The following IL17RB variants were observed in gnomAD, a reference collection of about 807,000 sequenced individuals.
IL17RB encodes interleukin 17 receptor B.
Under a neutral mutation model 43.9 loss-of-function variants are expected in IL17RB, and 36 were observed. The ratio of observed to expected loss-of-function variants is 0.82; its 90% CI spans 0.63 to 1.08. The LOEUF (loss-of-function observed/expected upper bound fraction) is 1.08. Among genes scored for constraint, IL17RB ranks in the 50% least tolerant of loss-of-function variants. IL17RB has a pLI of 0.00. For missense variants in IL17RB, 613 were observed against 613.6 expected (o/e 1.00, Z 0.01); for synonymous variants, 225 against 225.4 (o/e 1.00, Z 0.02).
intron 2 of IL17RB, 149 bp from the exon 3 acceptor site, chr3:53,849,506 T>TCTCC: frequency 1.7e-6 from 1 of 574,330 alleles, no homozygotes; most frequent in Non-Finnish European, 2.6e-6. Context: ...TGAGACCCCA[T>TCTCC]CTCTACAAAA....
intron 3 of IL17RB, among the ~76,000 whole-genome samples, chr3:53,851,261 T>A (rs1159749102): frequency 6.6e-6 from 1 of 151,622 alleles, no homozygotes; most frequent in Non-Finnish European, 1.5e-5. Context: ...GAGAGAGGAG[T>A]CACCTACAGT....
intron 3 of IL17RB, among the ~76,000 whole-genome samples, chr3:53,850,687 C>T (rs968741875): frequency 6.6e-6 from 1 of 152,104 alleles, no homozygotes; most frequent in Non-Finnish European, 1.5e-5. Flanking sequence ...TGCCTGTAAT[C>T]CCAGCTACTT....
chr3:53,857,066 C>G, intron 7 of IL17RB, 80 bp downstream of exon 7: 1 of 1,464,008 alleles, frequency 6.8e-7, no homozygotes, highest in East Asian at 2.3e-5. Context: ...CAGTGTTGTC[C>G]AAACGTGCTG....
intron 8 of IL17RB, 73 bp from the exon 9 acceptor site, chr3:53,858,646 T>C: frequency 6.4e-7 from 1 of 1,569,928 alleles, no homozygotes. Flanking sequence ...AAGTTTTGGC[T>C]GAAGTAGGAG....
At chr3:53,858,526 C>T (rs13315972) in intron 8 of IL17RB, 193 bp from the exon 9 acceptor site, 683,878 of 1,416,148 alleles carry the variant, frequency 0.48, 173,862 homozygotes, top group East Asian at 0.95. Context: ...GTCTTGGGCA[C>T]GTGGGTCTCG....
In IL17RB at chr3:53,852,019, G is replaced by C. The variant is rs1699167421; in HGVS notation, c.247G>C (p.Ala83Pro). Reference protein sequence around the residue: ...RADASIRLLKATKICVTGKSN... With the variant: ...RADASIRLLKPTKICVTGKSN... ...GGCAGCCAGCATCCGCTTGTTGAAG[G>C]CCACCAAGATTTGTGTGACGGGCAA... Residue 83 changes from alanine to proline, a missense_variant, in exon 4 of 11, where the codon GCC becomes CCC. By Grantham distance (27) the Ala-to-Pro change is conservative (BLOSUM62 -1). Coordinates refer to ENST00000288167, the MANE Select transcript of IL17RB (RefSeq NM_018725.4). The C allele has an allele frequency of 6.2e-7, 1 of 1,614,002 alleles. No individual in the cohort carries two copies. The highest frequency in any genetic ancestry group is 1.7e-5 in the Admixed American group (1 of 59,992).
chr3:53,857,492 C>G, intron 7 of IL17RB, 124 bp from the exon 8 acceptor site: 1 of 800,092 alleles, frequency 1.2e-6, no homozygotes, highest in Non-Finnish European at 2.2e-6. Context: ...GCCATGTTGC[C>G]CAGGCTGGTC....
At position 53,849,657 on chromosome 3, in the gene IL17RB, C is replaced by T; in HGVS notation, c.88C>T (p.Pro30Ser). 6.3e-7 allele frequency: 1 copy of T among 1,596,850 alleles called. No individual in the cohort carries two copies. Among genetic ancestry groups the T allele is most frequent in the Non-Finnish European group, 8.5e-7 (1 of 1,170,920 alleles). Residue 30 changes from proline (P) to serine (S), a missense_variant and splice_region_variant, in exon 3 of 11, where the codon CCA becomes TCA. Coordinates refer to ENST00000288167, the MANE Select transcript of IL17RB (RefSeq NM_018725.4). ...PTVQCGSETGPSPEWMLQHDL... is the reference protein window; with the variant it reads ...PTVQCGSETGSSPEWMLQHDL... Reference sequence around the variant, plus strand: ...ATGGAAGTCTTGCTTTTTCCCAGGGCCATCTCCAGAGTGGATGCTACAACA... The same window carrying T: ...ATGGAAGTCTTGCTTTTTCCCAGGGTCATCTCCAGAGTGGATGCTACAACA...
Position 53,865,182 on chromosome 3 carries a change from T to C in IL17RB, c.1383T>C (p.Ser461=). Residue 461 remains serine (S), a synonymous_variant, in exon 11 of 11, where the codon AGT becomes AGC. Coordinates refer to ENST00000288167, the MANE Select transcript of IL17RB (RefSeq NM_018725.4). ...IDTKDDYNAL[S]VCPKYHLMKD... is the part of the protein sequence containing the mutation. ...CAAAAGACGATTACAATGCTCTCAG[T>C]GTCTGCCCCAAGTACCACCTCATGA... 5 of 1,614,188 alleles carry C rather than the reference T, an allele frequency of 3.1e-6. No individual in the cohort carries two copies. Among genetic ancestry groups the C allele is most frequent in the South Asian group, 1.1e-5 (1 of 91,082 alleles).
At chr3:53,863,455 C>T (rs1699643399) in intron 10 of IL17RB, among the ~76,000 whole-genome samples, 2 of 152,188 alleles carry the variant, frequency 1.3e-5, no homozygotes, top group Non-Finnish European at 1.5e-5. Context: ...TCCTTTGAGT[C>T]ATTTGTGATG....
At chr3:53,864,371 C>T (rs1307253815) in intron 10 of IL17RB, among the ~76,000 whole-genome samples, 2 of 152,126 alleles carry the variant, frequency 1.3e-5, no homozygotes, top group Non-Finnish European at 2.9e-5. Context: ...CCCGTCTCTA[C>T]TAAAAGTACA....
chr3:53,853,024 C>A (rs200742999), intron 5 of IL17RB, 27 bp downstream of exon 5: 1 of 1,613,292 alleles, frequency 6.2e-7, no homozygotes, highest in East Asian at 2.2e-5. Context: ...GTTTATTATT[C>A]TTTGTCTTGC....
chr3:53,855,882 T>C (rs1255865533), intron 6 of IL17RB, among the ~76,000 whole-genome samples: 1 of 152,246 alleles, frequency 6.6e-6, no homozygotes, highest in Non-Finnish European at 1.5e-5. Context: ...TTGAATTTTG[T>C]AGTAATCCCC....
At position 53,849,674 on chromosome 3, in the gene IL17RB, G is replaced by A. The variant is rs1193131388; in HGVS notation, c.105G>A (p.Met35Ile). 23 of 1,609,370 alleles carry A rather than the reference G, an allele frequency of 1.4e-5. No individual in the cohort carries two copies. The highest frequency in any genetic ancestry group is 3.4e-5 in the Admixed American group (2 of 59,462). ...GSETGPSPEW[M>I]LQHDLIPGDL... ...TCCCAGGGCCATCTCCAGAGTGGAT[G>A]CTACAACATGATCTAATCCCCGGAG... The change falls in exon 3 of 11, where the codon ATG (methionine) becomes ATA (isoleucine). Residue 35 changes from methionine to isoleucine, a missense_variant. By Grantham distance (10) the Met-to-Ile change is conservative. Coordinates refer to ENST00000288167, the MANE Select transcript of IL17RB (RefSeq NM_018725.4).
intron 10 of IL17RB, among the ~76,000 whole-genome samples, chr3:53,863,518 G>A (rs1699648081): frequency 6.6e-6 from 1 of 152,224 alleles, no homozygotes; most frequent in Non-Finnish European, 1.5e-5. Context: ...AGCCACAGGG[G>A]CACCTGGACC....
intron 5 of IL17RB, among the ~76,000 whole-genome samples, chr3:53,854,309 C>T (rs1699259607): frequency 6.6e-6 from 1 of 152,188 alleles, no homozygotes; most frequent in African/African-American, 2.4e-5. Context: ...ATACATTTGT[C>T]AAAACTAAGA....
intron 10 of IL17RB, among the ~76,000 whole-genome samples, chr3:53,863,353 T>A (rs1699638814): frequency 6.6e-6 from 1 of 152,108 alleles, no homozygotes; most frequent in Non-Finnish European, 1.5e-5. Flanking sequence ...AGTATTTGAA[T>A]ACAGAAACCA....
chr3:53,855,845 T>A (rs1165676609), intron 6 of IL17RB, among the ~76,000 whole-genome samples: 2 of 152,222 alleles, frequency 1.3e-5, no homozygotes, highest in Admixed American at 1.3e-4. Flanking sequence ...AGAGGATCAC[T>A]TTTCACAGGC....
chr3:53,858,840 C>T (rs542466785), intron 9 of IL17RB, 22 bp downstream of exon 9: 73 of 1,578,286 alleles, frequency 4.6e-5, no homozygotes, highest in Non-Finnish European at 6.1e-5. Flanking sequence ...GTAACTTCAA[C>T]CAGATGATCA....
Sources: gnomAD v4.1 joint callset for allele counts (sites outside exome capture counted in the v4.1 genomes callset) on GRCh38, gnomAD v4.1.1 for gene constraint, MANE v1.5 for transcripts, NCBI Gene and HGNC (gene_info 2026-07-23, HGNC 2026-07-21) for gene names.